The following GRB10 variants were observed in gnomAD, a reference collection of about 807,000 sequenced individuals.
GRB10 encodes growth factor receptor-bound protein 10.
In GRB10, 20 loss-of-function variants were observed where a neutral mutation model predicts 80.9. The ratio of observed to expected loss-of-function variants is 0.25; its 90% confidence interval spans 0.17 to 0.36. GRB10 has a LOEUF of 0.36. Ranked by LOEUF, GRB10 falls within the 10% of genes least tolerant of loss-of-function variation. GRB10 has a pLI of 1.00. For synonymous variants in GRB10, 291 were observed against 291.5 expected, an observed-to-expected ratio of 1.00 and a Z score of 0.02; for missense variants, 548 against 747.7, an observed-to-expected ratio of 0.73 and a Z score of 3.12.
intron 2 of GRB10, among the ~76,000 whole-genome samples, chr7:50,773,042 G>A (rs897406774): frequency 1.3e-5 from 2 of 152,094 alleles, no homozygotes; most frequent in Non-Finnish European, 2.9e-5. Context: ...ATATTTCCAC[G>A]TGGCTGAGGA....
At chr7:50,708,592 T>C (rs779872888) in intron 4 of GRB10, among the ~76,000 whole-genome samples, 3 of 152,054 alleles carry the variant, frequency 2.0e-5, no homozygotes, top group Non-Finnish European at 4.4e-5. Context: ...AGGTTAGTTT[T>C]TGTTTGTCTG....
intron 17 of GRB10, among the ~76,000 whole-genome samples, chr7:50,599,651 C>T (rs188979291): frequency 4.1e-4 from 63 of 152,300 alleles, no homozygotes; most frequent in African/African-American, 1.2e-3. Flanking sequence ...ATAAGACGGG[C>T]GGCACCAGCC....
At position 50,604,842 on chromosome 7, in the gene GRB10, G is replaced by T. The variant is rs780107439; in HGVS notation, c.1389+448C>A. 3 of 290,852 alleles carry T rather than the reference G, an allele frequency of 1.0e-5. No homozygotes were observed. The South Asian group carries it at 1.2e-4, about 11-fold the overall frequency. The allele number at this position is 290,852 out of a possible 1,614,324, so 18.0% of individuals were successfully genotyped here. ...CTTTAAGTCTCAGGACTTAGAAGCC[G>T]AGTGATAGTCTTCCCACCTGGAGAT... On this transcript the variant is annotated intron_variant, in intron 15 of 18. Transcript: ENST00000401949.
chr7:50,673,070 T>C lies in GRB10; in HGVS notation c.362+1366A>G, dbSNP rs1182190188. 2.0e-5 allele frequency among the ~76,000 whole-genome samples: 3 copies of C among 152,296 alleles called. No individual in the cohort carries two copies. In the East Asian group the frequency reaches 5.8e-4, roughly 29 times the overall value. On this transcript the variant is annotated intron_variant, in intron 6 of 18. Coordinates refer to ENST00000401949, the MANE Select transcript of GRB10 (RefSeq NM_001350814.2). Reference sequence around the variant, plus strand: ...GCTGCCACCTGGGGCAAGGTGATTATCTGGGCTGCGGAAGACCCAAGATGT... The same window carrying C: ...GCTGCCACCTGGGGCAAGGTGATTACCTGGGCTGCGGAAGACCCAAGATGT...
At position 50,752,152 on chromosome 7, in the gene GRB10, T is replaced by C. The variant is rs148992385; in HGVS notation, c.-47+3735A>G. On this transcript the variant is annotated intron_variant, in intron 3 of 18. Transcript: ENST00000401949. Reference sequence around the variant, plus strand: ...CCCACGTGAGGCAGAAACAAGACAATAAGAACTCCACAGAAGAATGTGAGA... The same window carrying C: ...CCCACGTGAGGCAGAAACAAGACAACAAGAACTCCACAGAAGAATGTGAGA... Among the ~76,000 whole-genome samples the C allele has an allele frequency of 2.0e-3, 298 of 151,806 alleles. 1 individual carries two copies. The highest frequency in any genetic ancestry group is 4.3e-3 in the Admixed American group (65 of 15,264).
chr7:50,618,930 T>C (rs2051143222), intron 9 of GRB10, among the ~76,000 whole-genome samples: 1 of 152,182 alleles, frequency 6.6e-6, no homozygotes, highest in African/African-American at 2.4e-5. Flanking sequence ...ACTAACCCCC[T>C]TTACACTGTG....
At chr7:50,693,111 C>G (rs2063022433) in intron 5 of GRB10, among the ~76,000 whole-genome samples, 1 of 152,138 alleles carries the variant, frequency 6.6e-6, no homozygotes, top group Admixed American at 6.5e-5. Flanking sequence ...CTAACTTACC[C>G]CCAGTCAAAG....
intron 5 of GRB10, among the ~76,000 whole-genome samples, chr7:50,698,575 C>T (rs73349023): frequency 0.012 from 1,817 of 152,314 alleles, 42 homozygotes; most frequent in African/African-American, 0.038. Context: ...CTCTGTTCTG[C>T]CGTGATTTCA....
rs1383414437 is a variant in GRB10 at position 50,713,656 on chromosome 7, ACCT to A, written c.52-9751_52-9749del. ...CACCTCCACCTCCCCCATCACCTCC[ACCT>A]CCTCCACCACCACCTCCACCTCCTC... On this transcript the variant is annotated intron_variant, in intron 4 of 18. Transcript: ENST00000401949. 7.1e-5 allele frequency among the ~76,000 whole-genome samples: 8 copies of A among 113,318 alleles called. No individual in the cohort carries two copies. The East Asian group carries it at 2.1e-3, about 30-fold the overall frequency. The allele number at this position is 113,318 out of a possible 152,430, so 74.3% of individuals were successfully genotyped here.
chr7:50,670,025 G>A lies in GRB10; in HGVS notation c.363-162C>T, dbSNP rs141078088. On this transcript the variant is annotated intron_variant, in intron 6 of 18. Coordinates refer to ENST00000401949, the MANE Select transcript of GRB10 (RefSeq NM_001350814.2). ...CCTTCACAAAAGCCAAAAAGTAGAG[G>A]CATCCCAAGGGTCTGCAGATGGATG... Among the ~76,000 whole-genome samples the A allele has an allele frequency of 3.9e-5, 6 of 152,310 alleles. No individual in the cohort carries two copies. The East Asian group carries it at 9.6e-4, about 24-fold the overall frequency.
chr7:50,634,782 A>T (rs2054634706), intron 7 of GRB10, among the ~76,000 whole-genome samples: 1 of 152,266 alleles, frequency 6.6e-6, no homozygotes, highest in Non-Finnish European at 1.5e-5. Flanking sequence ...CAACAGTTTT[A>T]GAAAAAGAGA....
At chr7:50,692,274 C>T (rs1257228712) in intron 5 of GRB10, among the ~76,000 whole-genome samples, 7 of 151,464 alleles carry the variant, frequency 4.6e-5, no homozygotes, top group Non-Finnish European at 1.0e-4. Flanking sequence ...CTGCAGATAT[C>T]AAGGGACAAC....
chr7:50,665,716 A>T (rs1333629762), intron 7 of GRB10, among the ~76,000 whole-genome samples: 2 of 152,194 alleles, frequency 1.3e-5, no homozygotes, highest in Non-Finnish European at 2.9e-5. Flanking sequence ...AGGACCCCAG[A>T]CCCAGAAGAG....
chr7:50,688,659 C>T (rs1586901200), intron 5 of GRB10, among the ~76,000 whole-genome samples: 1 of 151,674 alleles, frequency 6.6e-6, no homozygotes, highest in Admixed American at 6.6e-5. Context: ...TCCTAGGCCA[C>T]TGAATCCCAC....
At chr7:50,681,651 G>A (rs1025272934) in intron 5 of GRB10, among the ~76,000 whole-genome samples, 14 of 152,208 alleles carry the variant, frequency 9.2e-5, no homozygotes, top group Non-Finnish European at 1.5e-4. Context: ...GTGTGCACAC[G>A]GAGCCTGCCA....
intron 4 of GRB10, among the ~76,000 whole-genome samples, chr7:50,719,327 T>C (rs1247774821): frequency 6.6e-6 from 1 of 152,130 alleles, no homozygotes; most frequent in Non-Finnish European, 1.5e-5. Flanking sequence ...AGAATATCAC[T>C]GCAGGCAGAG....
intron 7 of GRB10, among the ~76,000 whole-genome samples, chr7:50,639,502 T>C (rs1273691288): frequency 6.6e-6 from 1 of 151,872 alleles, no homozygotes; most frequent in Non-Finnish European, 1.5e-5. Context: ...GGTGAAACCG[T>C]CTCTACTAAA....
At chr7:50,718,791 G>A (rs998544152) in intron 4 of GRB10, among the ~76,000 whole-genome samples, 2 of 152,144 alleles carry the variant, frequency 1.3e-5, no homozygotes, top group Admixed American at 1.3e-4. Flanking sequence ...ACAGCTCTCA[G>A]GGTCAAGAGC....
upstream of GRB10, among the ~76,000 whole-genome samples, chr7:50,784,593 T>C (rs1213560585): frequency 1.3e-5 from 2 of 152,226 alleles, no homozygotes; most frequent in African/African-American, 4.8e-5. Flanking sequence ...AAGCAGCTGT[T>C]CCTGGATGTG....
Sources: gnomAD v4.1 joint callset for allele counts (sites outside exome capture counted in the v4.1 genomes callset) on GRCh38, gnomAD v4.1.1 for gene constraint, MANE v1.5 for transcripts, NCBI Gene and HGNC (gene_info 2026-07-23, HGNC 2026-07-21) for gene names.